The following PPARGC1A variants were observed in gnomAD, a reference collection of about 807,000 sequenced individuals.
The protein encoded by PPARGC1A is PPARG coactivator 1 alpha, also known as peroxisome proliferator-activated receptor gamma coactivator 1-alpha.
Under a neutral mutation model 88.7 loss-of-function variants are expected in PPARGC1A, and 25 were observed. That is an observed-to-expected ratio of 0.28 (90% CI 0.21 to 0.39). The LOEUF (loss-of-function observed/expected upper bound fraction) is 0.39, where lower values mean the gene tolerates loss of function less well. PPARGC1A is among the 10% of genes least tolerant of loss of function. The pLI is 1.00. For synonymous variants in PPARGC1A, 363 were observed against 355.6 expected (o/e 1.02, Z -0.24); for missense variants, 880 against 968.7 (o/e 0.91, Z 1.22).
the PPARGC1A span, among the ~76,000 whole-genome samples, chr4:23,971,518 C>T: frequency 6.6e-6 from 1 of 152,138 alleles, no homozygotes; most frequent in African/African-American, 2.4e-5. Context: ...GCAAGGAAGC[C>T]AGTTTGAGTC....
chr4:24,069,604 C>T, the PPARGC1A span, among the ~76,000 whole-genome samples: 1,061 of 152,240 alleles, frequency 7.0e-3, 3 homozygotes, highest in Middle Eastern at 0.041. Context: ...TCTTGTCTTC[C>T]CCTCCAGAAA....
chr4:24,139,366 C>A, the PPARGC1A span, among the ~76,000 whole-genome samples: 1 of 138,972 alleles, frequency 7.2e-6, no homozygotes, highest in Non-Finnish European at 1.5e-5. Context: ...ATCTCCTGAC[C>A]TTGTGATCCG....
chr4:24,343,452 C>T, the PPARGC1A span, among the ~76,000 whole-genome samples: 1 of 152,300 alleles, frequency 6.6e-6, no homozygotes. Flanking sequence ...GTCCCATCCA[C>T]AGGACGCAGC....
At position 23,795,861 on chromosome 4, in the gene PPARGC1A, A is replaced by C; in HGVS notation, c.2358T>G (p.Asp786Glu). The stretch of plus-strand genomic sequence containing the variant: ...TTCTCTGAGCTTCTTTCAGTAAACT[A>C]TCAAAATCCAGAGAGTCATACTTGC... ...TKSKYDSLDF[D>E]SLLKEAQRSL... The change falls in exon 13 of 13, where the codon GAT (aspartate) becomes GAG (glutamate). Residue 786 changes from aspartate to glutamate, a missense_variant. Transcript: ENST00000264867. 2 of 1,611,678 alleles carry C rather than the reference A, an allele frequency of 1.2e-6. No individual in the cohort carries two copies. Among genetic ancestry groups the C allele is most frequent in the Admixed American group, 1.7e-5 (1 of 59,528 alleles).
At chr4:24,037,744 T>C in the PPARGC1A span, among the ~76,000 whole-genome samples, 1 of 152,154 alleles carries the variant, frequency 6.6e-6, no homozygotes, top group East Asian at 1.9e-4. Flanking sequence ...CCAAACCTCT[T>C]TGTATCCATG....
the PPARGC1A span, among the ~76,000 whole-genome samples, chr4:24,301,611 CAAAAAA>C: frequency 0.013 from 1,033 of 79,426 alleles, 12 homozygotes; most frequent in African/African-American, 0.038. Context: ...CACCTATTGC[CAAAAAA>C]AAAAAAAAAA....
the PPARGC1A span, among the ~76,000 whole-genome samples, chr4:24,309,324 G>A: frequency 6.6e-6 from 1 of 152,102 alleles, no homozygotes; most frequent in African/African-American, 2.4e-5. Flanking sequence ...AATGCAAAAG[G>A]GGTAATGCAA....
At chr4:24,319,636 CTG>C in the PPARGC1A span, among the ~76,000 whole-genome samples, 32 of 152,300 alleles carry the variant, frequency 2.1e-4, no homozygotes, top group African/African-American at 7.0e-4. Flanking sequence ...ACTGTAGACA[CTG>C]TTTTCCCCAA....
the PPARGC1A span, among the ~76,000 whole-genome samples, chr4:23,966,494 C>T: frequency 7.2e-5 from 11 of 152,304 alleles, no homozygotes; most frequent in South Asian, 2.1e-4. Flanking sequence ...AATATGTGTT[C>T]GCTTTCAAAT....
chr4:24,122,241 C>T, the PPARGC1A span, among the ~76,000 whole-genome samples: 3 of 152,108 alleles, frequency 2.0e-5, no homozygotes, highest in South Asian at 6.2e-4. Flanking sequence ...AGAAAGAACT[C>T]ACTCATGGAG....
At chr4:24,287,269 G>A in the PPARGC1A span, among the ~76,000 whole-genome samples, 4 of 151,772 alleles carry the variant, frequency 2.6e-5, no homozygotes, top group East Asian at 1.9e-4. Flanking sequence ...ATTCCCAGTC[G>A]AGAATCACTG....
intron 2 of PPARGC1A, among the ~76,000 whole-genome samples, chr4:23,852,769 A>C (rs1171087546): frequency 6.6e-6 from 1 of 152,130 alleles, no homozygotes; most frequent in African/African-American, 2.4e-5. Flanking sequence ...TTACCATATA[A>C]AGCCTAGTTT....
chr4:24,079,624 G>A, the PPARGC1A span, among the ~76,000 whole-genome samples: 2 of 151,858 alleles, frequency 1.3e-5, no homozygotes, highest in Non-Finnish European at 2.9e-5. Flanking sequence ...AGTCAAAATT[G>A]TCACTCTTTT....
chr4:24,070,678 A>T, the PPARGC1A span, among the ~76,000 whole-genome samples: 2 of 152,198 alleles, frequency 1.3e-5, no homozygotes, highest in Non-Finnish European at 2.9e-5. Context: ...AACTGTCAGC[A>T]AACTACGGTC....
At chr4:24,310,193 GT>G in the PPARGC1A span, among the ~76,000 whole-genome samples, 11 of 152,266 alleles carry the variant, frequency 7.2e-5, no homozygotes, top group African/African-American at 2.6e-4. Context: ...CCAGGTTGGA[GT>G]TGAAAATGTG....
the PPARGC1A span, among the ~76,000 whole-genome samples, chr4:24,049,627 AAATT>A: frequency 1.3e-5 from 2 of 152,114 alleles, no homozygotes; most frequent in Non-Finnish European, 2.9e-5. Context: ...TAATGAAAAC[AAATT>A]AATATCAATG....
the PPARGC1A span, among the ~76,000 whole-genome samples, chr4:24,347,126 G>C: frequency 6.6e-6 from 1 of 152,146 alleles, no homozygotes; most frequent in Admixed American, 6.5e-5. Flanking sequence ...TGGTCTGAGA[G>C]AGTGCTTGAT....
chr4:24,184,459 C>T, the PPARGC1A span, among the ~76,000 whole-genome samples: 1 of 152,126 alleles, frequency 6.6e-6, no homozygotes, highest in Non-Finnish European at 1.5e-5. Flanking sequence ...TAATCCATAC[C>T]TGGTATTGTG....
the PPARGC1A span, among the ~76,000 whole-genome samples, chr4:24,390,974 T>G: frequency 2.6e-5 from 4 of 152,234 alleles, no homozygotes; most frequent in East Asian, 7.7e-4. Flanking sequence ...TGTTTGCATT[T>G]TTAAAGGCCT....
Sources: gnomAD v4.1 joint callset for allele counts (sites outside exome capture counted in the v4.1 genomes callset) on GRCh38, gnomAD v4.1.1 for gene constraint, MANE v1.5 for transcripts, NCBI Gene and HGNC (gene_info 2026-07-23, HGNC 2026-07-21) for gene names.